DSE: variants seen among roughly 807,000 people sequenced by gnomAD.
DSE encodes dermatan sulfate epimerase, also known as dermatan-sulfate epimerase.
Under a neutral mutation model 84.4 loss-of-function variants are expected in DSE, and 36 were observed. The ratio of observed to expected loss-of-function variants is 0.43; its 90% CI spans 0.33 to 0.56. The LOEUF is 0.56. DSE is among the 20% of genes least tolerant of loss of function. The pLI, the probability that DSE is intolerant of heterozygous loss-of-function variation, is 0.06. For missense variants in DSE, 862 were observed against 1,169.6 expected, an observed-to-expected ratio of 0.74 and a Z score of 3.84; for synonymous variants, 410 against 430.1, an observed-to-expected ratio of 0.95 and a Z score of 0.58.
chr6:116,358,162 C>G (rs531051899), intron 2 of DSE, among the ~76,000 whole-genome samples: 1 of 152,318 alleles, frequency 6.6e-6, no homozygotes, highest in African/African-American at 2.4e-5. Flanking sequence ...AGCAAAAATT[C>G]CTGATCATGA....
chr6:116,296,046 C>T (rs887616181), intron 2 of DSE, among the ~76,000 whole-genome samples: 11 of 152,096 alleles, frequency 7.2e-5, no homozygotes, highest in Admixed American at 2.6e-4. Context: ...CTAAAATGTG[C>T]CTGGTGACAT....
chr6:116,275,216 AC>A (rs1474194078), intron 2 of DSE, among the ~76,000 whole-genome samples: 2 of 152,184 alleles, frequency 1.3e-5, no homozygotes, highest in Non-Finnish European at 2.9e-5. Flanking sequence ...CTAGAGTCTA[AC>A]CCCCTTCTAT....
At chr6:116,389,891 G>A (rs994862153) in intron 1 of DSE, among the ~76,000 whole-genome samples, 2 of 151,342 alleles carry the variant, frequency 1.3e-5, no homozygotes, top group African/African-American at 4.9e-5. Flanking sequence ...AAATTGTTTT[G>A]GACTAAGGGA....
chr6:116,271,332 C>A (rs1348040511), intron 2 of DSE, among the ~76,000 whole-genome samples: 1 of 152,198 alleles, frequency 6.6e-6, no homozygotes, highest in Non-Finnish European at 1.5e-5. Flanking sequence ...GCATTTCTAA[C>A]AAGATCCAGG....
At chr6:116,283,469 T>A (rs901962617) in intron 2 of DSE, among the ~76,000 whole-genome samples, 1 of 152,220 alleles carries the variant, frequency 6.6e-6, no homozygotes, top group African/African-American at 2.4e-5. Flanking sequence ...GGGAGCATAG[T>A]TGCAGCTTCT....
At chr6:116,275,607 T>C (rs1773097737) in intron 2 of DSE, among the ~76,000 whole-genome samples, 2 of 152,190 alleles carry the variant, frequency 1.3e-5, no homozygotes, top group African/African-American at 4.8e-5. Context: ...GAGACCATCC[T>C]GGCTAACATG....
chr6:116,346,956 A>C (rs534915537), intron 2 of DSE, among the ~76,000 whole-genome samples: 2 of 152,206 alleles, frequency 1.3e-5, no homozygotes, highest in Non-Finnish European at 1.5e-5. Flanking sequence ...AAAAATCACA[A>C]GCATTCCTAT....
At chr6:116,385,350 A>G (rs1406558296) in intron 1 of DSE, among the ~76,000 whole-genome samples, 1 of 152,064 alleles carries the variant, frequency 6.6e-6, no homozygotes, top group Non-Finnish European at 1.5e-5. Flanking sequence ...CTATGTGGAG[A>G]ATGATCTTAG....
At chr6:116,373,087 G>T (rs1006077993) in intron 1 of DSE, among the ~76,000 whole-genome samples, 1 of 150,884 alleles carries the variant, frequency 6.6e-6, no homozygotes, top group African/African-American at 2.4e-5. Flanking sequence ...GGGTGCGGTG[G>T]CTCACGCCTG....
intron 2 of DSE, among the ~76,000 whole-genome samples, chr6:116,350,644 T>C (rs1464713513): frequency 1.3e-5 from 2 of 152,190 alleles, no homozygotes; most frequent in Non-Finnish European, 2.9e-5. Context: ...TGTTTTGTAC[T>C]CATTTGGTAA....
At chr6:116,403,621 C>T (rs369246891) in intron 2 of DSE, among the ~76,000 whole-genome samples, 1 of 152,082 alleles carries the variant, frequency 6.6e-6, no homozygotes, top group South Asian at 2.1e-4. Context: ...CTAAAACGCA[C>T]CATGAGTGGG....
At chr6:116,412,216 A>G (rs1289473683) in intron 2 of DSE, among the ~76,000 whole-genome samples, 3 of 152,092 alleles carry the variant, frequency 2.0e-5, no homozygotes, top group Non-Finnish European at 4.4e-5. Context: ...AAGTGGCTTC[A>G]AAGACAAACA....
chr6:116,326,389 T>A (rs1776621949), intron 2 of DSE, among the ~76,000 whole-genome samples: 1 of 152,160 alleles, frequency 6.6e-6, no homozygotes, highest in Non-Finnish European at 1.5e-5. Context: ...TCTTAGGAGC[T>A]GCTTATGCCA....
chr6:116,292,183 C>G (rs1003534106), intron 2 of DSE, among the ~76,000 whole-genome samples: 1 of 151,790 alleles, frequency 6.6e-6, no homozygotes, highest in Non-Finnish European at 1.5e-5. Flanking sequence ...GAAAGGAAGG[C>G]CAAAAATAGA....
chr6:116,419,231 G>A (rs1562298714), intron 2 of DSE, among the ~76,000 whole-genome samples: 2 of 152,178 alleles, frequency 1.3e-5, no homozygotes, highest in Non-Finnish European at 1.5e-5. Context: ...GGCCTCAGAG[G>A]TGAGAAATCC....
At position 116,389,395 on chromosome 6, in the gene DSE, A is replaced by T. The variant is rs545452431; in HGVS notation, c.-53-9803A>T. Among the ~76,000 whole-genome samples, 3 of 152,024 alleles carry T rather than the reference A, an allele frequency of 2.0e-5. No homozygotes were observed. In the South Asian group the frequency reaches 6.2e-4, roughly 32 times the overall value. On this transcript the variant is annotated intron_variant, in intron 1 of 5. Transcript: ENST00000644252. The stretch of plus-strand genomic sequence containing the variant: ...CTAGCTTTTTTTTTTTTAAACACTT[A>T]CTATGAAGTGAGGGCTTTAAAGGTG...
At chr6:116,430,605 G>C (rs1181522889) in intron 3 of DSE, among the ~76,000 whole-genome samples, 1 of 151,816 alleles carries the variant, frequency 6.6e-6, no homozygotes, top group Non-Finnish European at 1.5e-5. Flanking sequence ...GCAGTGGCGC[G>C]ATCTCCGCTC....
chr6:116,301,673 A>G (rs1223401223), intron 2 of DSE, among the ~76,000 whole-genome samples: 1 of 152,156 alleles, frequency 6.6e-6, no homozygotes, highest in Non-Finnish European at 1.5e-5. Context: ...TCTGGGGTAC[A>G]TGTGCAGAAC....
At chr6:116,328,776 G>A (rs991047839) in intron 2 of DSE, among the ~76,000 whole-genome samples, 2 of 152,188 alleles carry the variant, frequency 1.3e-5, no homozygotes, top group Admixed American at 1.3e-4. Context: ...CTGGCCTGCT[G>A]TTTAAAAGGA....
Sources: allele counts gnomAD v4.1 joint callset (sites outside exome capture counted in the v4.1 genomes callset), GRCh38; gene constraint gnomAD v4.1.1; transcripts MANE v1.5; gene names NCBI Gene and HGNC (gene_info 2026-07-23, HGNC 2026-07-21).